BTK: variants seen among roughly 807,000 people sequenced by gnomAD.
BTK encodes tyrosine-protein kinase BTK.
In BTK, 5 loss-of-function variants were observed where a neutral mutation model predicts 57.4. That is an observed-to-expected ratio of 0.09 (90% CI 0.05 to 0.18). The LOEUF (loss-of-function observed/expected upper bound fraction) is 0.18, where lower values mean the gene tolerates loss of function less well. BTK is among the 10% of genes least tolerant of loss of function. The pLI is 1.00. For synonymous variants in BTK, 154 were observed against 174.3 expected (o/e 0.88, Z 0.92); for missense variants, 194 against 501.2 (o/e 0.39, Z 5.85).
In BTK at chrX:101,370,216, G is replaced by T. The variant is rs1926982856; in HGVS notation, c.310-137C>A. On this transcript the variant is annotated intron_variant, in intron 4 of 18. Transcript: ENST00000308731. The stretch of plus-strand genomic sequence containing the variant: ...AAAGGCAGAATCTTCAGTCAGCAAT[G>T]GTGTTCAGGTTATGTGAACTATCTG... 5.5e-6 allele frequency: 3 copies of T among 543,861 alleles called. No homozygotes were observed. The Admixed American group carries it at 7.8e-5, about 14-fold the overall frequency. 44.8% of individuals were successfully genotyped at this position (543,861 alleles called of 1,213,427 possible).
intron 15 of BTK, among the ~76,000 whole-genome samples, chrX:101,355,240 G>A (rs782570060): frequency 1.8e-5 from 2 of 112,568 alleles, no homozygotes; most frequent in Non-Finnish European, 3.8e-5. Flanking sequence ...TGGTGCCATT[G>A]CACTCTAGCC....
At chrX:101,352,679 A>G (rs782081232) in intron 18 of BTK, among the ~76,000 whole-genome samples, 2 of 111,625 alleles carry the variant, frequency 1.8e-5, no homozygotes, top group African/African-American at 6.5e-5. Context: ...TGGGTGGATC[A>G]CCTGAGGTCA....
intron 5 of BTK, among the ~76,000 whole-genome samples, chrX:101,369,031 C>T (rs1349816106): frequency 8.9e-6 from 1 of 112,550 alleles, no homozygotes; most frequent in Non-Finnish European, 1.9e-5. Context: ...AGTCACTTGA[C>T]ATGTGGCTAT....
At chrX:101,381,828 G>T (rs1439924673) in intron 1 of BTK, among the ~76,000 whole-genome samples, 1 of 110,207 alleles carries the variant, frequency 9.1e-6, no homozygotes, top group African/African-American at 3.3e-5. Context: ...AGGAGTTTGA[G>T]AGCAGCCAGC....
chrX:101,389,809 T>C (rs1413112892), upstream of BTK, among the ~76,000 whole-genome samples: 1 of 112,026 alleles, frequency 8.9e-6, no homozygotes, highest in African/African-American at 3.2e-5. Flanking sequence ...TGACTTCAGG[T>C]AAGTAAACTT....
Position 101,371,628 on chromosome X carries a change from C to T in BTK, c.309+5G>A. The T allele has an allele frequency of 8.3e-7, 1 of 1,207,707 alleles. No individual in the cohort carries two copies. ...TTCGAGATTTGGTGAGAGAAAATAA[C>T]TCACCTGGAAGGGATAAGGGAACCT... On this transcript the variant is annotated splice_donor_5th_base_variant and intron_variant, in intron 4 of 18. Transcript: ENST00000308731.
At chrX:101,359,781 A>T (rs1926602386) in intron 9 of BTK, among the ~76,000 whole-genome samples, 1 of 108,944 alleles carries the variant, frequency 9.2e-6, no homozygotes, top group African/African-American at 3.3e-5. Context: ...AAGGTAAGAC[A>T]GATACACTAA....
chrX:101,350,089 G>GGA, intron 18 of BTK, 133 bp from the exon 19 acceptor site: 1 of 342,671 alleles, frequency 2.9e-6, no homozygotes, highest in South Asian at 5.3e-5. Context: ...ATTACAAAAG[G>GGA]AAAAAAAAAA....
chrX:101,367,280 C>A (rs1450891959), intron 5 of BTK, among the ~76,000 whole-genome samples: 1 of 108,584 alleles, frequency 9.2e-6, no homozygotes, highest in Non-Finnish European at 1.9e-5. Flanking sequence ...AGCTCACAAG[C>A]TCACAAGCTG....
rs5951413 is a variant in BTK, at chrX:101,360,516, C to T, written c.776+52G>A. 6,808 of 1,159,409 alleles carry T rather than the reference C, an allele frequency of 5.9e-3. 18 individuals carry two copies. Among genetic ancestry groups the T allele is most frequent in the Middle Eastern group, 0.015 (65 of 4,240 alleles). The stretch of plus-strand genomic sequence containing the variant: ...GGGAATTATGCCGCAGCACTTTTTG[C>T]GTGTAGGGAGTGGGCAGGCACCAGG... On this transcript the variant is annotated intron_variant, in intron 8 of 18. Transcript: ENST00000308731.
upstream of BTK, chrX:101,386,264 T>A (rs1402493796): frequency 9.0e-6 from 1 of 111,457 alleles, no homozygotes; most frequent in Non-Finnish European, 1.9e-5. Flanking sequence ...TGTCTTTTTT[T>A]CTTCTCAGCA....
chrX:101,389,082 T>C (rs1336222048), upstream of BTK, among the ~76,000 whole-genome samples: 23 of 111,589 alleles, frequency 2.1e-4, no homozygotes, highest in Admixed American at 2.1e-3. Context: ...TAATACTGTA[T>C]TATTGAAATT....
At chrX:101,366,492 C>T (rs1286727368) in intron 5 of BTK, among the ~76,000 whole-genome samples, 1 of 110,148 alleles carries the variant, frequency 9.1e-6, no homozygotes, top group Non-Finnish European at 1.9e-5. Flanking sequence ...GCATTTTACC[C>T]AAGAGTAGGA....
chrX:101,358,473 C>T (rs931508651), intron 11 of BTK, 36 bp from the exon 12 acceptor site: 1 of 1,210,081 alleles, frequency 8.3e-7, no homozygotes, highest in East Asian at 3.0e-5. Flanking sequence ...AACTTGGGCA[C>T]AAAGGTCAAC....
rs128621193 is a variant in BTK at position 101,360,581 on chromosome X, G to T, written c.763C>A (p.Arg255=). 4 of 1,209,574 alleles carry T rather than the reference G, an allele frequency of 3.3e-6. No homozygotes were observed. The East Asian group carries it at 8.9e-5, about 27-fold the overall frequency. The change falls in exon 8 of 19, where the codon CGA becomes AGA. Residue 255 remains arginine (R), a synonymous_variant. Transcript: ENST00000308731. The stretch of plus-strand genomic sequence containing the variant: ...GTGTGGACTCACCCATTTTTATCTC[G>T]TGCTCTCCACCATGGTAAGTTGCTT... ...EESNLPWWRA[R]DKNGQEGYIP...
chrX:101,378,723 A>G (rs1405047797), intron 1 of BTK, among the ~76,000 whole-genome samples: 5 of 111,770 alleles, frequency 4.5e-5, no homozygotes, highest in African/African-American at 1.6e-4. Flanking sequence ...CCAGCTCCCT[A>G]TGGAGCAACA....
chrX:101,358,831 A>C lies in BTK; in HGVS notation c.895-135T>G, dbSNP rs911589788. 1.1e-4 allele frequency: 60 copies of C among 552,218 alleles called. 1 individual carries two copies. The Admixed American group carries it at 1.5e-3, about 14-fold the overall frequency. The allele number at this position is 552,218 out of a possible 1,213,427, so 45.5% of individuals were successfully genotyped here. On this transcript the variant is annotated intron_variant, in intron 10 of 18. Coordinates refer to ENST00000308731, the MANE Select transcript of BTK (RefSeq NM_000061.3). ...AGTTCCACGCTTGAGCTACAGCCTC[A>C]TTGCTTTTAATATTAAAAGGTGCAG... is the stretch of plus-strand genomic sequence containing the variant.
chrX:101,388,735 T>C (rs377297922), upstream of BTK, among the ~76,000 whole-genome samples: 17 of 111,869 alleles, frequency 1.5e-4, 3 homozygotes, highest in East Asian at 1.4e-3. Context: ...GTGAAAATGG[T>C]TCAGGGGTTT....
upstream of BTK, chrX:101,390,362 A>G (rs1348851221): frequency 1.3e-5 from 6 of 459,882 alleles, no homozygotes; most frequent in Non-Finnish European, 2.3e-5. Flanking sequence ...CAGAACCTAG[A>G]GCTGCTGACT....
Sources: gnomAD v4.1 joint callset for allele counts (sites outside exome capture counted in the v4.1 genomes callset) on GRCh38, gnomAD v4.1.1 for gene constraint, MANE v1.5 for transcripts, NCBI Gene and HGNC (gene_info 2026-07-23, HGNC 2026-07-21) for gene names.